The following HK1 variants were observed in gnomAD, a reference collection of about 807,000 sequenced individuals.
The protein encoded by HK1 is hexokinase 1, also known as hexokinase-1.
In HK1, 28 loss-of-function variants were observed where a neutral mutation model predicts 91.6. The ratio of observed to expected loss-of-function variants is 0.31; its 90% confidence interval spans 0.23 to 0.42. The LOEUF is 0.42. Among genes scored for constraint, HK1 ranks in the 10% least tolerant of loss-of-function variants. The pLI is 1.00. For missense variants in HK1, 770 were observed against 1,219.8 expected, an observed-to-expected ratio of 0.63 and a Z score of 5.49; for synonymous variants, 430 against 468.1, an observed-to-expected ratio of 0.92 and a Z score of 1.05.
intron 1 of HK1, among the ~76,000 whole-genome samples, chr10:69,321,660 T>C (rs1847041059): frequency 6.6e-6 from 1 of 152,222 alleles, no homozygotes; most frequent in African/African-American, 2.4e-5. Flanking sequence ...GTTTTTGGGA[T>C]TGCTTAGAAT....
Position 69,369,129 on chromosome 10 carries a change from A to C in HK1, c.592-108A>C. 1 of 794,432 alleles carries C rather than the reference A, an allele frequency of 1.3e-6. No individual in the cohort carries two copies. Among genetic ancestry groups the C allele is most frequent in the Non-Finnish European group, 2.2e-6 (1 of 452,946 alleles). 49.2% of individuals were successfully genotyped at this position (794,432 alleles called of 1,614,324 possible). A position where few individuals can be genotyped will look rare whatever the true frequency, so the allele number is the denominator to read the frequency against. The stretch of plus-strand genomic sequence containing the variant: ...CTGTAATGAAACCAGTACCACTCAC[A>C]AAAGCAGGGGTTCTGAAAACGGGAG... On this transcript the variant is annotated intron_variant, in intron 5 of 17. Coordinates refer to ENST00000359426, the MANE Select transcript of HK1 (RefSeq NM_000188.3). This position sits in a 1 kb window ranked among gnomAD's most constrained non-coding sequence, Gnocchi z 4.4.
chr10:69,292,448 T>C, intron 3 of HK1: 2 of 363,018 alleles, frequency 5.5e-6, no homozygotes, highest in South Asian at 4.2e-5. Context: ...GATACACACA[T>C]GGATTACCCC....
intron 5 of HK1, among the ~76,000 whole-genome samples, chr10:69,310,218 C>T (rs1309777508): frequency 6.6e-6 from 1 of 150,706 alleles, no homozygotes; most frequent in Non-Finnish European, 1.5e-5. Context: ...GTCAGGAGTT[C>T]GAGACCAGGC....
Position 69,333,226 on chromosome 10 carries a change from C to A in HK1, c.64-10601C>A, listed in dbSNP as rs376875131. ...CTTTCGATTTCTAGCTCAGTCCAGT[C>A]CCACCACTGCAGTATCTCCAAGCCA... is the stretch of plus-strand genomic sequence containing the variant. On this transcript the variant is annotated intron_variant, in intron 1 of 17. Transcript: ENST00000359426. 1.1e-4 allele frequency among the ~76,000 whole-genome samples: 17 copies of A among 152,352 alleles called. No homozygotes were observed. In the South Asian group the frequency reaches 3.5e-3, roughly 32 times the overall value.
At chr10:69,276,933 GTC>G (rs1844507061) in intron 1 of HK1, among the ~76,000 whole-genome samples, 1 of 151,732 alleles carries the variant, frequency 6.6e-6, no homozygotes, top group East Asian at 1.9e-4. Flanking sequence ...ATGTATTTTA[GTC>G]TCTCTTACCC....
intron 9 of HK1, among the ~76,000 whole-genome samples, chr10:69,381,546 C>T (rs992083116): frequency 4.5e-5 from 6 of 132,230 alleles, no homozygotes; most frequent in Non-Finnish European, 4.8e-5. Flanking sequence ...TCATCTTAAC[C>T]TTTTTTTTTT....
Position 69,376,995 on chromosome 10 carries a change from A to C in HK1, c.937A>C (p.Met313Leu), listed in dbSNP as rs764735675. Residue 313 changes from methionine to leucine, a missense_variant, in exon 8 of 18, where the codon ATG becomes CTG. Met to Leu is a conservative substitution (Grantham distance 15). This residue lies in a region of HK1 where 449 missense variants were observed against 665.1 expected (regional missense o/e 0.68). Coordinates refer to ENST00000359426, the MANE Select transcript of HK1 (RefSeq NM_000188.3). Reference protein sequence around the residue: ...GELVRLILVKMAKEGLLFEGR... With the variant: ...GELVRLILVKLAKEGLLFEGR... ...GCTGGTTCGACTGATCCTAGTCAAG[A>C]TGGCCAAGGAGGGCCTCTTATTTGA... 6.2e-7 allele frequency: 1 copy of C among 1,614,180 alleles called. No individual in the cohort carries two copies. Among genetic ancestry groups the C allele is most frequent in the Non-Finnish European group, 8.5e-7 (1 of 1,180,034 alleles).
intron 4 of HK1, among the ~76,000 whole-genome samples, chr10:69,366,332 A>G (rs1849697535): frequency 6.6e-6 from 1 of 152,168 alleles, no homozygotes; most frequent in Admixed American, 6.5e-5. Context: ...ATTTGGGCTC[A>G]GGGCACCTTC....
intron 7 of HK1, among the ~76,000 whole-genome samples, chr10:69,372,415 C>T (rs1237226584): frequency 6.6e-6 from 1 of 152,218 alleles, no homozygotes; most frequent in Non-Finnish European, 1.5e-5. Context: ...TTGCTGTGCC[C>T]CCAGGCTTCT....
At chr10:69,388,957 C>A (rs1839773258) in intron 13 of HK1, among the ~76,000 whole-genome samples, 1 of 152,232 alleles carries the variant, frequency 6.6e-6, no homozygotes, top group African/African-American at 2.4e-5. Context: ...CTAATAGTAT[C>A]ATCATCTGTA....
intron 4 of HK1, among the ~76,000 whole-genome samples, chr10:69,297,970 G>C (rs908891788): frequency 1.3e-5 from 2 of 151,440 alleles, no homozygotes; most frequent in Non-Finnish European, 2.9e-5. Context: ...CAGCACTTTG[G>C]GAGGCCGAGG....
intron 2 of HK1, among the ~76,000 whole-genome samples, chr10:69,285,087 G>A (rs903953868): frequency 6.6e-6 from 1 of 152,046 alleles, no homozygotes; most frequent in African/African-American, 2.4e-5. Context: ...CCCAAATGCT[G>A]GGATTACAGG....
At chr10:69,335,574 C>T (rs769793450) in intron 1 of HK1, among the ~76,000 whole-genome samples, 1 of 152,224 alleles carries the variant, frequency 6.6e-6, no homozygotes, top group Non-Finnish European at 1.5e-5. Context: ...CTGTCCACCC[C>T]AGTCTCTGCA....
intron 2 of HK1, among the ~76,000 whole-genome samples, chr10:69,349,632 A>G (rs1341109951): frequency 1.3e-5 from 2 of 152,080 alleles, no homozygotes; most frequent in East Asian, 1.9e-4. Flanking sequence ...CTCACCCCCA[A>G]CCCCTGAGCT....
In HK1 at chr10:69,300,904, C is replaced by G. The variant is rs374326249; in HGVS notation, c.27+43C>G. ...GAATACCCACAAAAACCTATTAGAA[C>G]TAATAAACAATTTCAGCAAGGTTAT... is the stretch of plus-strand genomic sequence containing the variant. On this transcript the variant is annotated intron_variant, in intron 5 of 21. Transcript: ENST00000360289. 3.9e-5 allele frequency: 39 copies of G among 994,948 alleles called. No individual in the cohort carries two copies. The African/African-American group carries it at 5.4e-4, about 14-fold the overall frequency. 61.6% of individuals were successfully genotyped at this position (994,948 alleles called of 1,614,324 possible).
exon 5 of HK1, chr10:69,300,826 C>G (rs117317495): frequency 2.5e-6 from 4 of 1,608,858 alleles, no homozygotes; most frequent in Middle Eastern, 1.7e-4. Flanking sequence ...ACTGTGGTGG[C>G]GTGGAAAGAT....
At chr10:69,298,711 CT>C (rs1343782975) in intron 4 of HK1, among the ~76,000 whole-genome samples, 2 of 151,904 alleles carry the variant, frequency 1.3e-5, no homozygotes, top group African/African-American at 2.4e-5. Context: ...TTTCCTACCC[CT>C]GGTACAGACT....
At chr10:69,335,459 G>A (rs976308650) in intron 1 of HK1, among the ~76,000 whole-genome samples, 5 of 152,194 alleles carry the variant, frequency 3.3e-5, no homozygotes, top group Admixed American at 6.5e-5. Flanking sequence ...GAGCTGTGGC[G>A]GTGATAGCCC....
intron 17 of HK1, among the ~76,000 whole-genome samples, chr10:69,400,680 C>T (rs1052014787): frequency 2.6e-5 from 4 of 152,160 alleles, no homozygotes; most frequent in Non-Finnish European, 5.9e-5. Flanking sequence ...TGTTTGGATT[C>T]GCAGTTGGGC....
Sources: gnomAD v4.1 joint callset for allele counts (sites outside exome capture counted in the v4.1 genomes callset) on GRCh38, gnomAD v4.1.1 for gene constraint, gnomAD v4.1.1 regional missense constraint, Gnocchi (gnomAD v3.1) non-coding constraint, MANE v1.5 for transcripts, NCBI Gene and HGNC (gene_info 2026-07-23, HGNC 2026-07-21) for gene names.